Variants in CACNB1 observed in about 807,000 individuals in gnomAD.
The protein encoded by CACNB1 is voltage-dependent L-type calcium channel subunit beta-1.
In CACNB1, 29 loss-of-function variants were observed where a neutral mutation model predicts 71.6. That is an observed-to-expected ratio of 0.40 (90% CI 0.30 to 0.55). CACNB1 has a LOEUF of 0.55. Among genes scored for constraint, CACNB1 ranks in the 20% least tolerant of loss-of-function variants. The probability of loss-of-function intolerance (pLI) is 0.38; values close to 1 mark genes in which losing one functional copy is unlikely to be tolerated. For synonymous variants in CACNB1, 300 were observed against 319.6 expected (o/e 0.94, Z 0.65); for missense variants, 623 against 801.8 (o/e 0.78, Z 2.69).
rs558661749 is a variant in CACNB1, at chr17:39,177,845, C to A, written c.1146+139G>T. The stretch of plus-strand genomic sequence containing the variant: ...CAGTCTTTGACTGACGGGACCTGCG[C>A]TCTTCCCAGAAGACCAGTCTGCACC... On this transcript the variant is annotated intron_variant, in intron 12 of 13. Coordinates refer to ENST00000394303, the MANE Select transcript of CACNB1 (RefSeq NM_000723.5). 1.2e-5 allele frequency: 9 copies of A among 721,078 alleles called. No homozygotes were observed. In the South Asian group the frequency reaches 1.5e-4, roughly 12 times the overall value. The allele number at this position is 721,078 out of a possible 1,614,324, so 44.7% of individuals were successfully genotyped here.
At chr17:39,189,849 C>T (rs77782888) in intron 3 of CACNB1, among the ~76,000 whole-genome samples, 10,432 of 150,358 alleles carry the variant, frequency 0.069, 690 homozygotes, top group African/African-American at 0.17. Context: ...CAGTGGCTTA[C>T]GCCTGTAATC....
intron 9 of CACNB1, 33 bp downstream of exon 9, chr17:39,184,292 G>A (rs776696700): frequency 1.0e-5 from 15 of 1,451,804 alleles, no homozygotes; most frequent in Middle Eastern, 2.0e-4. Flanking sequence ...AGAGAGCAAC[G>A]GCAGGTGCGA....
In CACNB1 at chr17:39,174,983, C is replaced by A. The variant is rs571649752; in HGVS notation, c.*210G>T. The A allele has an allele frequency of 5.1e-6, 3 of 585,984 alleles. No homozygotes were observed. The East Asian group carries it at 8.5e-5, about 17-fold the overall frequency. 36.3% of individuals were successfully genotyped at this position (585,984 alleles called of 1,614,324 possible). On this transcript the variant is annotated 3_prime_UTR_variant, in exon 14 of 14. Transcript: ENST00000394303. ...AAGGTGGGTATCCCCCATCCATCCA[C>A]AACAGGCAGGTAAAAACCGACAGCT...
At chr17:39,178,245 C>T (rs1455762219) in intron 11 of CACNB1, 166 bp from the exon 12 acceptor site, 2 of 609,806 alleles carry the variant, frequency 3.3e-6, no homozygotes, top group Non-Finnish European at 6.0e-6. Flanking sequence ...ACCTCAGCAG[C>T]CCTGTGTCTA....
At chr17:39,189,018 G>A (rs566000004) in intron 3 of CACNB1, among the ~76,000 whole-genome samples, 16 of 151,944 alleles carry the variant, frequency 1.1e-4, no homozygotes, top group South Asian at 2.1e-4. Context: ...ACTCCAGCCC[G>A]GGCAACAAGA....
intron 3 of CACNB1, among the ~76,000 whole-genome samples, 167 bp from the exon 4 acceptor site, chr17:39,187,768 C>T (rs890344098): frequency 2.0e-5 from 3 of 152,020 alleles, no homozygotes; most frequent in East Asian, 3.9e-4. Context: ...ATTTCCAGCA[C>T]GTTGGGAGGC....
intron 11 of CACNB1, among the ~76,000 whole-genome samples, chr17:39,178,481 A>AG (rs1567792628): frequency 2.6e-5 from 4 of 151,662 alleles, no homozygotes; most frequent in Admixed American, 1.3e-4. Flanking sequence ...CCTGGGCTCA[A>AG]GCGAGCCCCC....
intron 3 of CACNB1, among the ~76,000 whole-genome samples, chr17:39,191,107 G>A (rs2046067590): frequency 6.6e-6 from 1 of 152,076 alleles, no homozygotes; most frequent in African/African-American, 2.4e-5. Context: ...GGGAGGCTGA[G>A]GCAGGAGAAT....
chr17:39,185,337 A>G (rs2045908017), intron 6 of CACNB1, among the ~76,000 whole-genome samples, 187 bp from the exon 7 acceptor site: 1 of 152,084 alleles, frequency 6.6e-6, no homozygotes, highest in Admixed American at 6.5e-5. Context: ...CCCCACGCCA[A>G]GGGGGAGCCA....
At position 39,175,325 on chromosome 17, in the gene CACNB1, ATAGTCTTCTTCCTCG is replaced by A; in HGVS notation, c.1650_1664del (p.Asp554_Glu558del). 1 of 1,613,904 alleles carries A rather than the reference ATAGTCTTCTTCCTCG, an allele frequency of 6.2e-7. No homozygotes were observed. The highest frequency in any genetic ancestry group is 8.5e-7 in the Non-Finnish European group (1 of 1,179,936). On this transcript the variant is annotated inframe_deletion, in exon 14 of 14. Coordinates refer to ENST00000394303, the MANE Select transcript of CACNB1 (RefSeq NM_000723.5). This position sits in a 1 kb window ranked among gnomAD's most constrained non-coding sequence, Gnocchi z 4.7. Reference sequence around the variant, plus strand: ...TCCGGTTGTCGGTCAGCTCTTCCTCATAGTCTTCTTCCTCGTCCTCCCAGGATCCCTGTCGGGCTG... The same window carrying A: ...TCCGGTTGTCGGTCAGCTCTTCCTCATCCTCCCAGGATCCCTGTCGGGCTG...
intron 2 of CACNB1, chr17:39,192,250 A>G (rs1211418029): frequency 6.5e-6 from 1 of 152,712 alleles, no homozygotes; most frequent in East Asian, 1.9e-4. Flanking sequence ...CCGAAGAGGC[A>G]AGTTAAGAGC....
At position 39,177,447 on chromosome 17, in the gene CACNB1, G is replaced by A. The variant is rs1234879954; in HGVS notation, c.1235C>T (p.Thr412Ile). Residue 412 changes from threonine to isoleucine, a missense_variant, in exon 13 of 14, where the codon ACA becomes ATA. By Grantham distance (89) the Thr-to-Ile change is moderately conservative. Transcript: ENST00000394303. ...AEYLEAYWKA[T>I]HPPSSTPPNP... ...GGGTGGCGTGCTGCTGGGCGGGTGT[G>A]TGGCCTTCCAATAGGCTTCCAAGTA... 2.5e-6 allele frequency: 4 copies of A among 1,613,606 alleles called. No individual in the cohort carries two copies. The highest frequency in any genetic ancestry group is 3.4e-6 in the Non-Finnish European group (4 of 1,179,690).
chr17:39,177,352 G>C lies in CACNB1; in HGVS notation c.1330C>G (p.Gln444Glu). ...CTGAGCGAGGTGAGCACCTGTACCTGGAGGTTGGAGACAGGGGCAGGGCTG... is the reference window on the plus strand; with the variant it reads ...CTGAGCGAGGTGAGCACCTGTACCTCGAGGTTGGAGACAGGGGCAGGGCTG... The part of the protein sequence containing the change: ...AASPAPVSNL[Q>E]GPYLASGDQP... Residue 444 changes from glutamine (Q) to glutamate (E), a missense_variant and splice_region_variant, in exon 13 of 14, where the codon CAG (glutamine) becomes GAG (glutamate). Gln to Glu is a conservative substitution (Grantham distance 29). Transcript: ENST00000394303. 1 of 1,613,216 alleles carries C rather than the reference G, an allele frequency of 6.2e-7. No homozygotes were observed. Among genetic ancestry groups the C allele is most frequent in the Non-Finnish European group, 8.5e-7 (1 of 1,179,690 alleles).
At chr17:39,185,556 G>GCC (rs61295679) in intron 6 of CACNB1, among the ~76,000 whole-genome samples, 13,952 of 149,510 alleles carry the variant, frequency 0.093, 882 homozygotes, top group African/African-American at 0.19. Flanking sequence ...GCAGCCAGCA[G>GCC]CCCCCCCCCA....
At chr17:39,191,742 G>A in intron 2 of CACNB1, 149 bp from the exon 3 acceptor site, 2 of 713,964 alleles carry the variant, frequency 2.8e-6, no homozygotes, top group East Asian at 3.2e-5. Flanking sequence ...GTGGTATTAG[G>A]TGGAAGGGAC....
chr17:39,178,554 T>A (rs929978678), intron 11 of CACNB1, among the ~76,000 whole-genome samples: 11 of 152,098 alleles, frequency 7.2e-5, no homozygotes, highest in Admixed American at 2.0e-4. Flanking sequence ...TAATTTTTTT[T>A]AATTTTTTTG....
In CACNB1 at chr17:39,185,985, G is replaced by T. The variant is rs780706966; in HGVS notation, c.628+511C>A. ...AAGGGGATGCGTTTGCCATGGGGTGGCGGGGTGGTGACACTGCTAACACTA... is the reference window on the plus strand; with the variant it reads ...AAGGGGATGCGTTTGCCATGGGGTGTCGGGGTGGTGACACTGCTAACACTA... On this transcript the variant is annotated intron_variant, in intron 6 of 13. Transcript: ENST00000394303. The T allele has an allele frequency of 2.6e-5, 42 of 1,613,378 alleles. 1 individual carries two copies. The highest frequency in any genetic ancestry group is 8.3e-5 in the Admixed American group (5 of 59,942).
chr17:39,173,644 A>G lies in CACNB1; in HGVS notation c.*1549T>C, dbSNP rs1321279465. On this transcript the variant is annotated 3_prime_UTR_variant, in exon 14 of 14. Coordinates refer to ENST00000394303, the MANE Select transcript of CACNB1 (RefSeq NM_000723.5). ...CTTGGGCACAATACATCAGAGGGCC[A>G]AAATCAAAGGATCATCTTTTCTTTT... is the stretch of plus-strand genomic sequence containing the variant. 2.6e-5 allele frequency: 4 copies of G among 152,342 alleles called. No homozygotes were observed. Among genetic ancestry groups the G allele is most frequent in the Non-Finnish European group, 1.5e-5 (1 of 68,034 alleles). The allele number at this position is 152,342 out of a possible 1,614,324, so 9.4% of individuals were successfully genotyped here.
chr17:39,176,277 A>G (rs955386542), intron 13 of CACNB1, among the ~76,000 whole-genome samples: 3 of 152,124 alleles, frequency 2.0e-5, no homozygotes, highest in African/African-American at 7.2e-5. Context: ...GAAGATGAAG[A>G]GGTGGCCCAG....
Sources: gnomAD v4.1 joint callset for allele counts (sites outside exome capture counted in the v4.1 genomes callset) on GRCh38, gnomAD v4.1.1 for gene constraint, Gnocchi (gnomAD v3.1) non-coding constraint, MANE v1.5 for transcripts, NCBI Gene and HGNC (gene_info 2026-07-23, HGNC 2026-07-21) for gene names.